WNK1: variants seen among roughly 807,000 people sequenced by gnomAD.
The protein encoded by WNK1 is WNK lysine deficient protein kinase 1.
In WNK1, 38 loss-of-function variants were observed where a neutral mutation model predicts 222.8. That is an observed-to-expected ratio of 0.17 (90% CI 0.13 to 0.22). The LOEUF is 0.22. Ranked by LOEUF, WNK1 falls within the 10% of genes least tolerant of loss-of-function variation. WNK1 has a pLI of 1.00. For missense variants in WNK1, 2,348 were observed against 2,918.4 expected, an observed-to-expected ratio of 0.80 and a Z score of 4.50; for synonymous variants, 1,090 against 1,092.9, an observed-to-expected ratio of 1.00 and a Z score of 0.05.
intron 5 of WNK1, among the ~76,000 whole-genome samples, chr12:858,612 A>G (rs527807669): frequency 6.6e-6 from 1 of 152,346 alleles, no homozygotes; most frequent in Admixed American, 6.5e-5. Flanking sequence ...CAAGGAATTA[A>G]GAGAACTTAC....
chr12:845,494 G>T (rs1412552340), intron 4 of WNK1, among the ~76,000 whole-genome samples: 2 of 152,174 alleles, frequency 1.3e-5, no homozygotes. Context: ...AGGATACAAA[G>T]AAGAGTTTGT....
intron 1 of WNK1, among the ~76,000 whole-genome samples, chr12:811,330 TAACA>T (rs1439432440): frequency 6.6e-6 from 1 of 152,348 alleles, no homozygotes; most frequent in East Asian, 1.9e-4. Context: ...TATTATATAA[TAACA>T]AACGTGGATC....
chr12:806,515 G>A (rs1946379045), intron 1 of WNK1, among the ~76,000 whole-genome samples: 1 of 152,174 alleles, frequency 6.6e-6, no homozygotes, highest in Non-Finnish European at 1.5e-5. Flanking sequence ...CTATTTTTGA[G>A]CAAGGAGCTT....
At chr12:837,521 C>T (rs371156803) in intron 4 of WNK1, among the ~76,000 whole-genome samples, 7 of 150,176 alleles carry the variant, frequency 4.7e-5, no homozygotes, top group African/African-American at 1.5e-4. Context: ...TTGCAGTGAG[C>T]CGAGATCACG....
At chr12:785,844 C>T (rs930442789) in intron 1 of WNK1, among the ~76,000 whole-genome samples, 1 of 152,016 alleles carries the variant, frequency 6.6e-6, no homozygotes, top group Non-Finnish European at 1.5e-5. Flanking sequence ...CCTTGGTTGT[C>T]GCATTTGAGT....
Position 777,229 on chromosome 12 carries a change from C to G in WNK1, c.759+22905C>G, listed in dbSNP as rs1287026984. Among the ~76,000 whole-genome samples, 7 of 145,476 alleles carry G rather than the reference C, an allele frequency of 4.8e-5. No homozygotes were observed. The South Asian group carries it at 1.3e-3, about 27-fold the overall frequency. On this transcript the variant is annotated intron_variant, in intron 1 of 27. Coordinates refer to ENST00000315939, the MANE Select transcript of WNK1 (RefSeq NM_018979.4). ...CCAGGCTGGAGTGCAGTGGTGCGAT[C>G]TTGGCCCACTGCAGCCTCCGCCTCC...
chr12:903,501 CTG>C (rs1282836023), intron 26 of WNK1, among the ~76,000 whole-genome samples: 1 of 152,080 alleles, frequency 6.6e-6, no homozygotes, highest in Non-Finnish European at 1.5e-5. Context: ...CCTGAAGTGT[CTG>C]AGAGGGAAGA....
Position 909,048 on chromosome 12 carries a change from T to G in WNK1, c.*256T>G. The G allele has an allele frequency of 1.9e-6, 1 of 516,228 alleles. No individual in the cohort carries two copies. The highest frequency in any genetic ancestry group is 3.5e-5 in the East Asian group (1 of 28,366). The allele number at this position is 516,228 out of a possible 1,614,324, so 32.0% of individuals were successfully genotyped here. ...CAGCTTCAGACCATGCTTTCCTGTT[T>G]ATCTATACTCAGTAATGAGGATGAG... On this transcript the variant is annotated 3_prime_UTR_variant, in exon 28 of 28. Transcript: ENST00000315939.
At position 880,723 on chromosome 12, in the gene WNK1, C is replaced by T. The variant is rs767531047; in HGVS notation, c.2835C>T (p.Gly945=). 1.4e-5 allele frequency: 23 copies of T among 1,613,386 alleles called. No homozygotes were observed. In the Admixed American group the frequency reaches 3.7e-4, roughly 26 times the overall value. ...PLSSGDVLYQ[G]FPPRLPPQYP... The stretch of plus-strand genomic sequence containing the variant: ...CACCTTCCTCATTTCTGTCACAGGG[C>T]TTCCCACCTCGACTGCCACCACAGT... The change falls in exon 12 of 28, where the codon GGC becomes GGT. Residue 945 remains glycine (G), a splice_region_variant and synonymous_variant. Coordinates refer to ENST00000315939, the MANE Select transcript of WNK1 (RefSeq NM_018979.4).
intron 4 of WNK1, among the ~76,000 whole-genome samples, chr12:835,678 C>T (rs751910252): frequency 1.1e-4 from 16 of 151,934 alleles, no homozygotes; most frequent in East Asian, 1.9e-4. Flanking sequence ...GTTGGCTGGG[C>T]GTGATAGCTC....
intron 4 of WNK1, among the ~76,000 whole-genome samples, chr12:845,045 G>T (rs1246886957): frequency 6.6e-6 from 1 of 150,430 alleles, no homozygotes; most frequent in Non-Finnish European, 1.5e-5. Flanking sequence ...ACAGGCGCCC[G>T]CCACTACGCC....
At position 758,428 on chromosome 12, in the gene WNK1, C is replaced by T. The variant is rs1371304265; in HGVS notation, c.759+4104C>T. On this transcript the variant is annotated intron_variant, in intron 1 of 27. Coordinates refer to ENST00000315939, the MANE Select transcript of WNK1 (RefSeq NM_018979.4). ...CGGAGTCTCGCTCTGTCGCCCAGGC[C>T]GGACTGCGGACTGCAGTGGCGCAAT... Among the ~76,000 whole-genome samples, 8 of 123,782 alleles carry T rather than the reference C, an allele frequency of 6.5e-5. 1 individual carries two copies. In the South Asian group the frequency reaches 8.2e-4, roughly 13 times the overall value. The allele number at this position is 123,782 out of a possible 152,430, so 81.2% of individuals were successfully genotyped here. A position where few individuals can be genotyped will look rare whatever the true frequency, so the allele number is the denominator to read the frequency against.
In WNK1 at chr12:753,594, G is replaced by A. The variant is rs867437047; in HGVS notation, c.29G>A (p.Ser10Asn). ...TCTGGCGGCGCCGCAGAGAAGCAGA[G>A]CAGCACTCCCGGTTCCCTGTTCCTC... MSGGAAEKQ[S>N]STPGSLFLSP... is the part of the protein sequence containing the mutation. Residue 10 changes from serine to asparagine, a missense_variant, in exon 1 of 28, where the codon AGC becomes AAC. Physicochemically the swap from Ser to Asn is conservative, Grantham distance 46. This residue lies in a region of WNK1 where 108 missense variants were observed against 109.7 expected (regional missense o/e 0.98). Transcript: ENST00000315939. This position sits in a 1 kb window ranked among gnomAD's most constrained non-coding sequence, Gnocchi z 5.2. 24 of 1,612,596 alleles carry A rather than the reference G, an allele frequency of 1.5e-5. No individual in the cohort carries two copies. The highest frequency in any genetic ancestry group is 9.3e-5 in the African/African-American group (7 of 74,916).
intron 2 of WNK1, among the ~76,000 whole-genome samples, chr12:822,095 T>TG: frequency 7.3e-6 from 1 of 137,046 alleles, no homozygotes; most frequent in Admixed American, 7.2e-5. Context: ...ACCTTTTTTT[T>TG]TTTTTTTTTT....
At position 862,043 on chromosome 12, in the gene WNK1, TTC is replaced by T. The variant is rs749239175; in HGVS notation, c.1952-30_1952-29del. 8 of 1,610,850 alleles carry T rather than the reference TTC, an allele frequency of 5.0e-6. No individual in the cohort carries two copies. The East Asian group carries it at 8.9e-5, about 18-fold the overall frequency. On this transcript the variant is annotated intron_variant, in intron 7 of 27. Coordinates refer to ENST00000315939, the MANE Select transcript of WNK1 (RefSeq NM_018979.4). ...TGAACCTCCATTTTGTGATTTGTCT[TTC>T]TCTCTCTCTTTTTTTTGGCGATTCA...
chr12:900,682 A>G lies in WNK1; in HGVS notation c.6643+12A>G, dbSNP rs762092023. The G allele has an allele frequency of 1.2e-6, 2 of 1,614,158 alleles. No homozygotes were observed. Among genetic ancestry groups the G allele is most frequent in the Admixed American group, 1.7e-5 (1 of 60,022 alleles). On this transcript the variant is annotated intron_variant, in intron 26 of 27. Transcript: ENST00000315939. ...TGCTCCAGGTCAAGGTAATAAAGCAACCATCATCGTCCAAAAACAATAAAA... is the reference window on the plus strand; with the variant it reads ...TGCTCCAGGTCAAGGTAATAAAGCAGCCATCATCGTCCAAAAACAATAAAA...
chr12:883,611 T>C, intron 16 of WNK1, 43 bp downstream of exon 16: 1 of 1,612,918 alleles, frequency 6.2e-7, no homozygotes, highest in Admixed American at 1.7e-5. Context: ...TGATTTAAAA[T>C]ATTTTCATAG....
intron 4 of WNK1, among the ~76,000 whole-genome samples, chr12:838,703 A>G (rs1949392424): frequency 6.6e-6 from 1 of 152,156 alleles, no homozygotes; most frequent in South Asian, 2.1e-4. Context: ...GGTGTGAGCC[A>G]CTGTGCCAGC....
chr12:756,385 C>T (rs969953796), intron 1 of WNK1, among the ~76,000 whole-genome samples: 4 of 152,192 alleles, frequency 2.6e-5, no homozygotes, highest in Non-Finnish European at 4.4e-5. Context: ...TTTGTCCAAG[C>T]TTCTCAGGTT....
Sources: allele counts gnomAD v4.1 joint callset (sites outside exome capture counted in the v4.1 genomes callset), GRCh38; gene constraint gnomAD v4.1.1; regional missense constraint gnomAD v4.1.1; non-coding constraint Gnocchi (gnomAD v3.1); transcripts MANE v1.5; gene names NCBI Gene and HGNC (gene_info 2026-07-23, HGNC 2026-07-21).